The following SGIP1 variants were observed in gnomAD, a reference collection of about 807,000 sequenced individuals.
The protein encoded by SGIP1 is SH3GL interacting endocytic adaptor 1, also known as SH3-containing GRB2-like protein 3-interacting protein 1.
In SGIP1, 38 loss-of-function variants were observed where a neutral mutation model predicts 107.5. The observed-to-expected ratio is 0.35, with a 90% confidence interval of 0.27 to 0.46. The LOEUF (loss-of-function observed/expected upper bound fraction) is 0.46. Among genes scored for constraint, SGIP1 ranks in the 20% least tolerant of loss-of-function variants. The probability of loss-of-function intolerance (pLI) is 1.00; values close to 1 mark genes in which losing one functional copy is unlikely to be tolerated. For missense variants in SGIP1, 929 were observed against 1,019.5 expected (o/e 0.91, Z 1.21); for synonymous variants, 365 against 366.1 (o/e 1.00, Z 0.03).
At chr1:66,621,583 C>T (rs570165997) in intron 1 of SGIP1, among the ~76,000 whole-genome samples, 2 of 152,302 alleles carry the variant, frequency 1.3e-5, no homozygotes, top group African/African-American at 2.4e-5. Flanking sequence ...AATCTGTATT[C>T]GTTAAGCAGC....
rs35762612 is a variant in SGIP1, at chr1:66,592,897, CTTTTTTTTTTTTTTTTT to C, written c.11-32936_11-32920del. ...CTTTCCTTCTTTCTTTCTTCTTCTTCTTTTTTTTTTTTTTTTTTTTTTTTTTTTTTGAGAAAGGGTTT... is the reference window on the plus strand; with the variant it reads ...CTTTCCTTCTTTCTTTCTTCTTCTTCTTTTTTTTTTTTTGAGAAAGGGTTT... On this transcript the variant is annotated intron_variant, in intron 1 of 24. Transcript: ENST00000371037. Among the ~76,000 whole-genome samples the C allele has an allele frequency of 4.4e-4, 25 of 56,354 alleles. No individual in the cohort carries two copies. The East Asian group carries it at 9.3e-3, about 21-fold the overall frequency. 37.0% of individuals were successfully genotyped at this position (56,354 alleles called of 152,430 possible).
At chr1:66,569,445 G>C (rs1278868049) in intron 1 of SGIP1, among the ~76,000 whole-genome samples, 1 of 151,640 alleles carries the variant, frequency 6.6e-6, no homozygotes, top group African/African-American at 2.4e-5. Context: ...ATCAGAAATG[G>C]GTGTTGGATT....
intron 6 of SGIP1, among the ~76,000 whole-genome samples, chr1:66,643,165 AT>A (rs1186785984): frequency 3.9e-5 from 6 of 152,166 alleles, no homozygotes; most frequent in African/African-American, 7.2e-5. Flanking sequence ...TCTCCCTACA[AT>A]TCAACTCTGG....
Position 66,549,758 on chromosome 1 carries a change from C to T in SGIP1, c.10+15390C>T, listed in dbSNP as rs932247974. Among the ~76,000 whole-genome samples the T allele has an allele frequency of 3.3e-5, 5 of 152,148 alleles. No individual in the cohort carries two copies. In the East Asian group the frequency reaches 9.6e-4, roughly 29 times the overall value. Reference sequence around the variant, plus strand: ...TGCCTTGATGTGCTCTACATCTGTGCTTCCCAACCCCTGCCAGCTTGCCTA... The same window carrying T: ...TGCCTTGATGTGCTCTACATCTGTGTTTCCCAACCCCTGCCAGCTTGCCTA... On this transcript the variant is annotated intron_variant, in intron 1 of 24. Coordinates refer to ENST00000371037, the MANE Select transcript of SGIP1 (RefSeq NM_032291.4).
intron 2 of SGIP1, among the ~76,000 whole-genome samples, chr1:66,630,282 A>T (rs2073976598): frequency 6.6e-6 from 1 of 152,148 alleles, no homozygotes; most frequent in African/African-American, 2.4e-5. Flanking sequence ...TTGTACCTGG[A>T]TTCACAGTGA....
chr1:66,742,764 C>T (rs1198241593), intron 24 of SGIP1, among the ~76,000 whole-genome samples: 9 of 149,208 alleles, frequency 6.0e-5, no homozygotes, highest in East Asian at 2.0e-4. Context: ...CCACCGCGCC[C>T]GGCCTATGAG....
intron 18 of SGIP1, among the ~76,000 whole-genome samples, chr1:66,700,426 G>A (rs1321651362): frequency 1.3e-5 from 2 of 150,424 alleles, no homozygotes; most frequent in African/African-American, 4.9e-5. Flanking sequence ...CCTAGCCAGA[G>A]GTCACTACCT....
chr1:66,735,254 T>C (rs1386360542), intron 21 of SGIP1, among the ~76,000 whole-genome samples: 1 of 152,044 alleles, frequency 6.6e-6, no homozygotes, highest in Non-Finnish European at 1.5e-5. Flanking sequence ...CTCCCTCTGT[T>C]GCCCAAGCTG....
intron 8 of SGIP1, chr1:66,666,682 C>T (rs2082625610): frequency 6.6e-6 from 1 of 152,202 alleles, no homozygotes. Flanking sequence ...TGAAGAGGTC[C>T]TTCACATCCC....
At chr1:66,569,179 G>A (rs2060054563) in intron 1 of SGIP1, among the ~76,000 whole-genome samples, 1 of 151,912 alleles carries the variant, frequency 6.6e-6, no homozygotes, top group South Asian at 2.1e-4. Flanking sequence ...GAGAGAAAGA[G>A]TTTTATTTTT....
At chr1:66,703,572 A>AAT (rs1227274156) in intron 18 of SGIP1, among the ~76,000 whole-genome samples, 1 of 151,620 alleles carries the variant, frequency 6.6e-6, no homozygotes, top group Non-Finnish European at 1.5e-5. Context: ...AAAGATATGG[A>AAT]ATATATATAT....
At chr1:66,656,966 G>T (rs757519176) in intron 7 of SGIP1, among the ~76,000 whole-genome samples, 3 of 151,772 alleles carry the variant, frequency 2.0e-5, no homozygotes, top group Non-Finnish European at 4.4e-5. Context: ...CCAGGAGTTT[G>T]AGACCAGCCT....
intron 2 of SGIP1, among the ~76,000 whole-genome samples, chr1:66,627,765 T>C (rs949235580): frequency 6.6e-6 from 1 of 152,190 alleles, no homozygotes; most frequent in Non-Finnish European, 1.5e-5. Flanking sequence ...TTCTTTCTTA[T>C]ACTTTAAGTT....
intron 1 of SGIP1, among the ~76,000 whole-genome samples, chr1:66,601,590 A>C (rs2065846930): frequency 6.6e-6 from 1 of 152,158 alleles, no homozygotes; most frequent in Non-Finnish European, 1.5e-5. Flanking sequence ...TATAATGAGA[A>C]GAAAGCTAAA....
At chr1:66,686,582 A>C (rs2088348836) in intron 15 of SGIP1, among the ~76,000 whole-genome samples, 1 of 147,628 alleles carries the variant, frequency 6.8e-6, no homozygotes. Context: ...TAATTTCACG[A>C]AAGTATGTGA....
intron 12 of SGIP1, among the ~76,000 whole-genome samples, chr1:66,675,493 TTTTC>T (rs1212292512): frequency 6.6e-6 from 1 of 151,552 alleles, no homozygotes; most frequent in Non-Finnish European, 1.5e-5. Context: ...TGATTTTTCT[TTTTC>T]TTTCTGTCTT....
Position 66,599,262 on chromosome 1 carries a change from G to A in SGIP1, c.11-26585G>A, listed in dbSNP as rs563093125. ...AATGAATTTGGGAACCTCTGTCCTA[G>A]GGCATAGGGGAGCATATTTCATCAT... On this transcript the variant is annotated intron_variant, in intron 1 of 24. Transcript: ENST00000371037. Among the ~76,000 whole-genome samples, 28 of 152,234 alleles carry A rather than the reference G, an allele frequency of 1.8e-4. No individual in the cohort carries two copies. The South Asian group carries it at 5.8e-3, about 32-fold the overall frequency.
chr1:66,588,021 A>G (rs2062911896), intron 1 of SGIP1, among the ~76,000 whole-genome samples: 1 of 152,102 alleles, frequency 6.6e-6, no homozygotes, highest in Non-Finnish European at 1.5e-5. Context: ...CAACAAAATC[A>G]TGGGGGTATT....
At chr1:66,667,755 A>G (rs1430576914) in intron 9 of SGIP1, among the ~76,000 whole-genome samples, 5 of 152,206 alleles carry the variant, frequency 3.3e-5, no homozygotes, top group Admixed American at 2.0e-4. Flanking sequence ...CTAAATTAAT[A>G]GATGGGAATC....
Sources: gnomAD v4.1 joint callset for allele counts (sites outside exome capture counted in the v4.1 genomes callset) on GRCh38, gnomAD v4.1.1 for gene constraint, MANE v1.5 for transcripts, NCBI Gene and HGNC (gene_info 2026-07-23, HGNC 2026-07-21) for gene names.